LRRC4C: variants seen among roughly 807,000 people sequenced by gnomAD.
LRRC4C encodes leucine rich repeat containing 4C.
A neutral mutation model predicts 33.6 loss-of-function variants in LRRC4C; 5 were observed. The observed-to-expected ratio is 0.15, with a 90% CI of 0.08 to 0.31. The LOEUF is 0.31. LRRC4C is among the 10% of genes least tolerant of loss of function. The pLI is 1.00. For missense variants in LRRC4C, 560 were observed against 796.7 expected (o/e 0.70, Z 3.58); for synonymous variants, 329 against 302.0 (o/e 1.09, Z -0.93).
At chr11:40,432,237 G>T (rs548228511) in intron 3 of LRRC4C, among the ~76,000 whole-genome samples, 1 of 151,636 alleles carries the variant, frequency 6.6e-6, no homozygotes, top group Non-Finnish European at 1.5e-5. Context: ...TCCTGCCCAA[G>T]ACTTCTCCTT....
At chr11:40,794,373 CAAAAAAAAA>C (rs57476895) in intron 2 of LRRC4C, among the ~76,000 whole-genome samples, 9 of 77,216 alleles carry the variant, frequency 1.2e-4, no homozygotes, top group Admixed American at 3.3e-4. Context: ...TAAACGCCAG[CAAAAAAAAA>C]AAAAAAAAAA....
Position 40,768,097 on chromosome 11 carries a change from G to C in LRRC4C, c.-406-119819C>G, listed in dbSNP as rs184041091. Among the ~76,000 whole-genome samples, 379 of 151,960 alleles carry C rather than the reference G, an allele frequency of 2.5e-3. 1 individual carries two copies. Among genetic ancestry groups the C allele is most frequent in the African/African-American group, 8.8e-3 (364 of 41,496 alleles). On this transcript the variant is annotated intron_variant, in intron 2 of 6. Coordinates refer to ENST00000528697, the MANE Select transcript of LRRC4C (RefSeq NM_001258419.2). ...CTTTAGCCAGACTGATAAATAAAGA[G>C]GGACGATCTAAATAAATAAAACAGA... is the stretch of plus-strand genomic sequence containing the variant.
At chr11:40,381,798 C>A (rs1212228278) in intron 3 of LRRC4C, among the ~76,000 whole-genome samples, 3 of 151,866 alleles carry the variant, frequency 2.0e-5, no homozygotes, top group African/African-American at 7.3e-5. Flanking sequence ...GTCATTGGGA[C>A]GCTGGCTGAA....
intron 1 of LRRC4C, among the ~76,000 whole-genome samples, chr11:41,262,029 A>G (rs1030548444): frequency 2.6e-5 from 4 of 152,070 alleles, no homozygotes; most frequent in Non-Finnish European, 5.9e-5. Flanking sequence ...AAAATCCTGG[A>G]ATAGAAGCAG....
At chr11:40,245,890 A>C (rs2136132598) in intron 4 of LRRC4C, among the ~76,000 whole-genome samples, 1 of 152,010 alleles carries the variant, frequency 6.6e-6, no homozygotes, top group African/African-American at 2.4e-5. Flanking sequence ...TATTAGTATT[A>C]TAAATTCAAC....
At chr11:41,023,986 A>G (rs1258391503) in intron 1 of LRRC4C, among the ~76,000 whole-genome samples, 1 of 151,784 alleles carries the variant, frequency 6.6e-6, no homozygotes, top group East Asian at 1.9e-4. Flanking sequence ...TTGTGTTGAT[A>G]TAATCAAACT....
chr11:41,174,167 C>T (rs1313914383), intron 1 of LRRC4C, among the ~76,000 whole-genome samples: 1 of 151,972 alleles, frequency 6.6e-6, no homozygotes, highest in African/African-American at 2.4e-5. Context: ...ATCATAACAA[C>T]AGCATCATAA....
intron 3 of LRRC4C, among the ~76,000 whole-genome samples, chr11:40,622,200 G>A (rs1338644506): frequency 2.0e-5 from 3 of 151,640 alleles, no homozygotes; most frequent in Non-Finnish European, 3.0e-5. Context: ...TGCATACTTT[G>A]GATTGTATTT....
intron 5 of LRRC4C, among the ~76,000 whole-genome samples, chr11:40,155,748 G>A (rs941175766): frequency 3.3e-5 from 5 of 152,102 alleles, no homozygotes; most frequent in South Asian, 2.1e-4. Context: ...AAGACCAGAC[G>A]GATTCACAGC....
intron 2 of LRRC4C, among the ~76,000 whole-genome samples, chr11:40,689,208 A>C (rs11036020): frequency 0.14 from 21,912 of 152,008 alleles, 1,661 homozygotes; most frequent in African/African-American, 0.2. Context: ...TTTAAATCTC[A>C]TACTAACCAA....
chr11:40,327,216 C>A (rs1053659312), intron 3 of LRRC4C, among the ~76,000 whole-genome samples: 17 of 152,196 alleles, frequency 1.1e-4, no homozygotes, highest in Admixed American at 6.5e-5. Flanking sequence ...AGGAGCCATG[C>A]AGAAATCTGC....
intron 1 of LRRC4C, among the ~76,000 whole-genome samples, chr11:41,297,471 G>T (rs1246248372): frequency 6.6e-6 from 1 of 152,066 alleles, no homozygotes; most frequent in Admixed American, 6.6e-5. Context: ...TGTTTGCTAA[G>T]AATAAAAGAA....
intron 1 of LRRC4C, among the ~76,000 whole-genome samples, chr11:41,157,435 A>C (rs1297731210): frequency 1.3e-5 from 2 of 152,158 alleles, no homozygotes; most frequent in Non-Finnish European, 2.9e-5. Flanking sequence ...ATGGAAAAAA[A>C]AGAACCATTT....
intron 3 of LRRC4C, among the ~76,000 whole-genome samples, chr11:40,555,262 C>G (rs1056842278): frequency 1.3e-5 from 2 of 152,180 alleles, no homozygotes; most frequent in African/African-American, 4.8e-5. Flanking sequence ...GATGTCCAGG[C>G]TGCCAGTGAA....
chr11:40,236,236 A>T (rs918353375), intron 5 of LRRC4C, among the ~76,000 whole-genome samples: 1 of 152,228 alleles, frequency 6.6e-6, no homozygotes, highest in African/African-American at 2.4e-5. Context: ...GACGTTTTTA[A>T]GTCTCAAGTC....
At chr11:40,217,963 G>A (rs1329861506) in intron 5 of LRRC4C, among the ~76,000 whole-genome samples, 2 of 152,062 alleles carry the variant, frequency 1.3e-5, no homozygotes, top group Non-Finnish European at 2.9e-5. Flanking sequence ...TCCCTGCAAA[G>A]CAATCAGATT....
chr11:41,081,729 A>T (rs1939585749), intron 1 of LRRC4C, among the ~76,000 whole-genome samples: 1 of 152,154 alleles, frequency 6.6e-6, no homozygotes, highest in Non-Finnish European at 1.5e-5. Flanking sequence ...ACACACACAG[A>T]TACACACAGG....
intron 2 of LRRC4C, among the ~76,000 whole-genome samples, chr11:40,862,871 A>AG (rs1371135067): frequency 1.3e-5 from 2 of 152,312 alleles, no homozygotes; most frequent in Non-Finnish European, 2.9e-5. Context: ...TACATTGCTG[A>AG]GGGGCATTTA....
At chr11:41,282,508 A>ACTG (rs1232668364) in intron 1 of LRRC4C, among the ~76,000 whole-genome samples, 1 of 152,166 alleles carries the variant, frequency 6.6e-6, no homozygotes, top group East Asian at 1.9e-4. Flanking sequence ...CAGAATCTGG[A>ACTG]CTGCTACCAA....
Sources: gnomAD v4.1 joint callset for allele counts (sites outside exome capture counted in the v4.1 genomes callset) on GRCh38, gnomAD v4.1.1 for gene constraint, MANE v1.5 for transcripts, NCBI Gene and HGNC (gene_info 2026-07-23, HGNC 2026-07-21) for gene names.